Variants in AHCY observed in about 807,000 individuals in gnomAD.
AHCY encodes the protein S-adenosyl-L-homocysteine hydrolase.
Under a neutral mutation model 45.4 loss-of-function variants are expected in AHCY, and 24 were observed. The ratio of observed to expected loss-of-function variants is 0.53; its 90% CI spans 0.38 to 0.74. The LOEUF (loss-of-function observed/expected upper bound fraction) is 0.74, where lower values mean the gene tolerates loss of function less well. AHCY is among the 30% of genes least tolerant of loss of function. AHCY has a pLI of 0.00. For missense variants in AHCY, 449 were observed against 594.1 expected (o/e 0.76, Z 2.54); for synonymous variants, 245 against 235.1 (o/e 1.04, Z -0.39).
At chr20:34,277,860 G>A (rs532627054), downstream of AHCY, among the ~76,000 whole-genome samples, 5 of 151,926 alleles carry the variant, frequency 3.3e-5, no homozygotes, top group South Asian at 2.1e-4. Flanking sequence ...CTGTCCCTGC[G>A]GGGAACACAG....
chr20:34,290,449 C>T lies in AHCY; in HGVS notation c.855G>A (p.Arg285=). The T allele has an allele frequency of 6.2e-7, 1 of 1,614,124 alleles. No individual in the cohort carries two copies. Among genetic ancestry groups the T allele is most frequent in the South Asian group, 1.1e-5 (1 of 91,046 alleles). The part of the protein sequence containing the change: ...TTGCIDIILG[R]HFEQMKDDAI... ...CATCATCCTTCATCTGCTCAAAGTGCCTGTCAGGCAGCCCAAGACCGTGGG... is the reference window on the plus strand; with the variant it reads ...CATCATCCTTCATCTGCTCAAAGTGTCTGTCAGGCAGCCCAAGACCGTGGG... The change falls in exon 8 of 10, where the codon CGG becomes CGA. Residue 285 remains arginine (R), a splice_region_variant and synonymous_variant. Coordinates refer to ENST00000217426, the MANE Select transcript of AHCY (RefSeq NM_000687.4). This position sits in a 1 kb window ranked among gnomAD's most constrained non-coding sequence, Gnocchi z 4.5.
chr20:34,290,702 G>A lies in AHCY; in HGVS notation c.766+29C>T, dbSNP rs753051599. On this transcript the variant is annotated intron_variant, in intron 6 of 9. Coordinates refer to ENST00000217426, the MANE Select transcript of AHCY (RefSeq NM_000687.4). The surrounding 1 kb of genome is among the most constrained non-coding windows in gnomAD (Gnocchi z 4.5). ...CTTGCCCCTCCCTCTGGCCCCAGTG[G>A]CTGACAACCAACCCTTGCCCTATCC... The A allele has an allele frequency of 3.1e-6, 5 of 1,613,754 alleles. No individual in the cohort carries two copies. The highest frequency in any genetic ancestry group is 4.2e-6 in the Non-Finnish European group (5 of 1,179,966).
At chr20:34,251,794 GCCC>G in the AHCY span, among the ~76,000 whole-genome samples, 1 of 152,168 alleles carries the variant, frequency 6.6e-6, no homozygotes, top group African/African-American at 2.4e-5. Flanking sequence ...TACAAAAGAG[GCCC>G]AAGGGAAAGC....
the AHCY span, among the ~76,000 whole-genome samples, chr20:34,240,910 C>T: frequency 6.6e-6 from 1 of 152,058 alleles, no homozygotes; most frequent in Non-Finnish European, 1.5e-5. Context: ...CTTCTGGCAA[C>T]CAGAATGAGT....
chr20:34,268,858 CG>C, the AHCY span: 1 of 1,081,614 alleles, frequency 9.2e-7, no homozygotes. Flanking sequence ...GGGGAGCGGG[CG>C]GTGGGCGGTG....
In AHCY at chr20:34,303,162, G is replaced by T. The variant is rs2036840311; in HGVS notation, c.28+81C>A. On this transcript the variant is annotated intron_variant, in intron 1 of 9. Transcript: ENST00000217426. ...TTCCAGGGGGTCCAGAGAGCCCCGAGTCGGCCCTGCAGCCCCCGCCACGAA... is the reference window on the plus strand; with the variant it reads ...TTCCAGGGGGTCCAGAGAGCCCCGATTCGGCCCTGCAGCCCCCGCCACGAA... The T allele has an allele frequency of 9.1e-6, 14 of 1,544,070 alleles. 1 individual carries two copies. The South Asian group carries it at 1.6e-4, about 17-fold the overall frequency.
At chr20:34,298,682 T>C (rs2036668520) in intron 1 of AHCY, among the ~76,000 whole-genome samples, 2 of 151,056 alleles carry the variant, frequency 1.3e-5, no homozygotes, top group Non-Finnish European at 2.9e-5. Flanking sequence ...GTAGAGGGCC[T>C]GACATCAGCC....
At chr20:34,261,671 G>A in the AHCY span, among the ~76,000 whole-genome samples, 2 of 151,446 alleles carry the variant, frequency 1.3e-5, no homozygotes, top group East Asian at 3.9e-4. Context: ...GAATGGTGGT[G>A]CATGCCTATG....
intron 2 of AHCY, among the ~76,000 whole-genome samples, chr20:34,294,916 G>C (rs2036521856): frequency 6.6e-6 from 1 of 152,174 alleles, no homozygotes; most frequent in African/African-American, 2.4e-5. Context: ...TGTGGATTTT[G>C]GCTCCATTGC....
At chr20:34,295,692 G>T in intron 1 of AHCY, 107 bp from the exon 2 acceptor site, 1 of 1,138,810 alleles carries the variant, frequency 8.8e-7, no homozygotes. Context: ...ACACACTAGG[G>T]CTTAGCACTC....
chr20:34,276,385 A>G (rs762938770), downstream of AHCY, among the ~76,000 whole-genome samples: 1 of 152,162 alleles, frequency 6.6e-6, no homozygotes, highest in African/African-American at 2.4e-5. Context: ...AAGCAGGTGC[A>G]GGTCCCCACG....
chr20:34,311,479 G>C (rs887037431), exon 1 of AHCY: 1 of 152,424 alleles, frequency 6.6e-6, no homozygotes, highest in Admixed American at 6.5e-5. Flanking sequence ...TGCCTTTTCC[G>C]TGTTTGCTTT....
chr20:34,278,709 C>T (rs924748497), downstream of AHCY, among the ~76,000 whole-genome samples: 1 of 152,146 alleles, frequency 6.6e-6, no homozygotes, highest in African/African-American at 2.4e-5. Flanking sequence ...CTCTCAGAGC[C>T]TCAGACAGGG....
intron 1 of AHCY, among the ~76,000 whole-genome samples, chr20:34,301,089 C>T (rs991827626): frequency 6.6e-6 from 1 of 152,122 alleles, no homozygotes; most frequent in Non-Finnish European, 1.5e-5. Context: ...AAATCTGAAC[C>T]TAGTCTGAGT....
the AHCY span, among the ~76,000 whole-genome samples, chr20:34,238,831 A>C: frequency 6.6e-6 from 1 of 151,746 alleles, no homozygotes; most frequent in Non-Finnish European, 1.5e-5. Context: ...GTTTTTTGTT[A>C]TTGTTGATGT....
rs774434453 is a variant in AHCY at position 34,281,136 on chromosome 20, C to G, written c.1197G>C (p.Leu399=). ...TGGTCAACTTCACATTCAGCTTGCC[C>G]AGGTGGGCTTCAGCCACTGCCTCAT... ...KLDEAVAEAH[L]GKLNVKLTKL... Residue 399 remains leucine, a synonymous_variant, in exon 10 of 10, where the codon CTG becomes CTC. Coordinates refer to ENST00000217426, the MANE Select transcript of AHCY (RefSeq NM_000687.4). 1.2e-6 allele frequency: 2 copies of G among 1,613,734 alleles called. No homozygotes were observed. The highest frequency in any genetic ancestry group is 2.2e-5 in the South Asian group (2 of 91,052).
the AHCY span, among the ~76,000 whole-genome samples, chr20:34,235,887 AAGGAAGGAAGGAAAGG>A: frequency 8.7e-5 from 9 of 103,250 alleles, no homozygotes; most frequent in African/African-American, 3.5e-4. Flanking sequence ...GGAAGGAAGG[AAGGAAGGAAGGAAAGG>A]AAGGAAGGAA....
chr20:34,269,369 A>T, the AHCY span: 1 of 636,750 alleles, frequency 1.6e-6, no homozygotes. Flanking sequence ...TGTTTCTGTA[A>T]AGGTCCCGAA....
chr20:34,257,275 GAAACGGGGTTTC>G, the AHCY span, among the ~76,000 whole-genome samples: 2 of 151,838 alleles, frequency 1.3e-5, no homozygotes, highest in Admixed American at 6.6e-5. Flanking sequence ...ATTTTTAGTA[GAAACGGGGTTTC>G]ACCATGTTGG....
Sources: gnomAD v4.1 joint callset for allele counts (sites outside exome capture counted in the v4.1 genomes callset) on GRCh38, gnomAD v4.1.1 for gene constraint, Gnocchi (gnomAD v3.1) non-coding constraint, MANE v1.5 for transcripts, NCBI Gene and HGNC (gene_info 2026-07-23, HGNC 2026-07-21) for gene names.